Variants in ACTN4 observed in about 807,000 individuals in gnomAD.
ACTN4 encodes the protein actinin alpha 4, also known as alpha-actinin-4.
A neutral mutation model predicts 114.2 loss-of-function variants in ACTN4; 18 were observed. That is an observed-to-expected ratio of 0.16 (90% CI 0.11 to 0.23). The LOEUF is 0.23. ACTN4 is among the 10% of genes least tolerant of loss of function. ACTN4 has a pLI of 1.00. For missense variants in ACTN4, 722 were observed against 1,262.9 expected (o/e 0.57, Z 6.49); for synonymous variants, 515 against 506.3 (o/e 1.02, Z -0.23).
In ACTN4 at chr19:38,725,796, C is replaced by T. The variant is rs769829818; in HGVS notation, c.2083C>T (p.Arg695Cys). The T allele has an allele frequency of 1.2e-5, 19 of 1,614,044 alleles. No individual in the cohort carries two copies. Among genetic ancestry groups the T allele is most frequent in the African/African-American group, 9.3e-5 (7 of 74,930 alleles). The change falls in exon 17 of 21, where the codon CGC becomes TGC. Residue 695 changes from arginine to cysteine, a missense_variant. Arg to Cys is a radical substitution (Grantham distance 180, BLOSUM62 -3). Transcript: ENST00000252699. Reference sequence around the variant, plus strand: ...GCTGAGCCACCTGAAGCAGTATGAACGCAGCATCGTGGACTACAAGCCCAA... The same window carrying T: ...GCTGAGCCACCTGAAGCAGTATGAATGCAGCATCGTGGACTACAAGCCCAA... ...DQLSHLKQYE[R>C]SIVDYKPNLD... is the part of the protein sequence containing the mutation.
At position 38,729,229 on chromosome 19, in the gene ACTN4, G is replaced by T. The variant is rs747981646; in HGVS notation, c.2578-45G>T. 16 of 1,612,420 alleles carry T rather than the reference G, an allele frequency of 9.9e-6. No homozygotes were observed. The East Asian group carries it at 3.3e-4, about 34-fold the overall frequency. On this transcript the variant is annotated intron_variant, in intron 20 of 20. Transcript: ENST00000252699. ...GCAGTGGGAGGGGCTGAGGGGGCCAGTGTGTGGGTGGGGATGGCTCAGAGT... is the reference window on the plus strand; with the variant it reads ...GCAGTGGGAGGGGCTGAGGGGGCCATTGTGTGGGTGGGGATGGCTCAGAGT...
chr19:38,729,179 A>G, intron 20 of ACTN4, 25 bp downstream of exon 20: 1 of 1,612,632 alleles, frequency 6.2e-7, no homozygotes, highest in Non-Finnish European at 8.5e-7. Flanking sequence ...TACGAGGTGC[A>G]TGGGGGCTGG....
At position 38,647,817 on chromosome 19, in the gene ACTN4, C is replaced by CG; in HGVS notation, c.77dup (p.Ser27GlnfsTer49). The CG allele has an allele frequency of 6.4e-7, 1 of 1,550,970 alleles. No homozygotes were observed. The highest frequency in any genetic ancestry group is 8.7e-7 in the Non-Finnish European group (1 of 1,149,782). Reference sequence around the variant, plus strand: ...GCAGCGCGGGCAATGGCGCTGGCGGCGGGGGCAGCATGGGCGACTACATGG... The same window carrying CG: ...GCAGCGCGGGCAATGGCGCTGGCGGCGGGGGGCAGCATGGGCGACTACATGG... On this transcript the variant is annotated frameshift_variant, in exon 1 of 21. Transcript: ENST00000252699. LOFTEE classifies it high-confidence loss of function.
chr19:38,676,741 A>G (rs1967388698), intron 1 of ACTN4, among the ~76,000 whole-genome samples: 1 of 152,114 alleles, frequency 6.6e-6, no homozygotes, highest in African/African-American at 2.4e-5. Context: ...AAGCAGCCTC[A>G]TTGTCCCTTT....
chr19:38,713,393 G>T (rs1352771087), intron 8 of ACTN4, among the ~76,000 whole-genome samples: 2 of 152,150 alleles, frequency 1.3e-5, no homozygotes, highest in African/African-American at 4.8e-5. Flanking sequence ...TAGGAGTCAG[G>T]GACTGACCTC....
At chr19:38,648,063 GGAGGAATCGCC>G in intron 1 of ACTN4, 156 bp downstream of exon 1, 1 of 884,452 alleles carries the variant, frequency 1.1e-6, no homozygotes, top group Admixed American at 4.0e-5. Context: ...GGAGTCCTGA[GGAGGAATCGCC>G]GAGCTAGAGG....
rs191143349 is a variant in ACTN4, at chr19:38,675,110, A to G, written c.163-25490A>G. On this transcript the variant is annotated intron_variant, in intron 1 of 20. Coordinates refer to ENST00000252699, the MANE Select transcript of ACTN4 (RefSeq NM_004924.6). ...TTGATCTCAAAGAACAGGTGATAGC[A>G]GTAGGAGTTGTTTTCTGTGTTGCTG... 1.4e-4 allele frequency among the ~76,000 whole-genome samples: 21 copies of G among 152,354 alleles called. No homozygotes were observed. In the East Asian group the frequency reaches 2.9e-3, roughly 21 times the overall value.
At position 38,728,797 on chromosome 19, in the gene ACTN4, T is replaced by TG. The variant is rs1969360137; in HGVS notation, c.2419-197dup. On this transcript the variant is annotated intron_variant, in intron 19 of 20. Coordinates refer to ENST00000252699, the MANE Select transcript of ACTN4 (RefSeq NM_004924.6). ...TTCCCGGCCTGGGGCACTGGGGGCT[T>TG]GGAGGCCTGGGTCAGCTGGAGCAGT... Among the ~76,000 whole-genome samples the TG allele has an allele frequency of 2.0e-5, 3 of 152,036 alleles. No individual in the cohort carries two copies. The South Asian group carries it at 6.2e-4, about 32-fold the overall frequency.
intron 1 of ACTN4, among the ~76,000 whole-genome samples, chr19:38,700,357 C>T (rs573150649): frequency 4.6e-5 from 7 of 152,264 alleles, no homozygotes; most frequent in South Asian, 2.1e-4. Context: ...TGCCACTTAC[C>T]GCCTGGATGG....
intron 8 of ACTN4, among the ~76,000 whole-genome samples, chr19:38,711,974 C>T (rs1169248694): frequency 1.3e-5 from 2 of 152,180 alleles, no homozygotes; most frequent in African/African-American, 4.8e-5. Flanking sequence ...AAGCACTGCT[C>T]CCCCCGCTTG....
intron 1 of ACTN4, among the ~76,000 whole-genome samples, chr19:38,654,467 C>G (rs1976654918): frequency 6.7e-6 from 1 of 149,840 alleles, no homozygotes; most frequent in Admixed American, 6.8e-5. Flanking sequence ...GAGGCTGAGG[C>G]AGGATAATCA....
At chr19:38,683,402 GC>G (rs1967639905) in intron 1 of ACTN4, among the ~76,000 whole-genome samples, 1 of 152,174 alleles carries the variant, frequency 6.6e-6, no homozygotes, top group Admixed American at 6.5e-5. Flanking sequence ...GACAGGACTT[GC>G]TGTTCAGCCC....
At chr19:38,710,536 C>A (rs148173279) in intron 8 of ACTN4, among the ~76,000 whole-genome samples, 194 bp downstream of exon 8, 110 of 152,352 alleles carry the variant, frequency 7.2e-4, no homozygotes, top group African/African-American at 2.5e-3. Context: ...TCATCTGTGC[C>A]AGGCTTTTCC....
chr19:38,682,314 A>T (rs1967602213), intron 1 of ACTN4, among the ~76,000 whole-genome samples: 1 of 152,070 alleles, frequency 6.6e-6, no homozygotes, highest in Non-Finnish European at 1.5e-5. Context: ...TGCTGGGATT[A>T]CGGGTGTGAG....
chr19:38,725,592 C>T (rs1326308173), intron 16 of ACTN4, 132 bp from the exon 17 acceptor site: 3 of 946,432 alleles, frequency 3.2e-6, no homozygotes, highest in African/African-American at 3.3e-5. Context: ...CTCCCAGGGA[C>T]CCATGGGCCA....
chr19:38,694,999 C>G (rs924090827), intron 1 of ACTN4, among the ~76,000 whole-genome samples: 1 of 152,256 alleles, frequency 6.6e-6, no homozygotes, highest in Middle Eastern at 3.4e-3. Flanking sequence ...CTCAGCCTCT[C>G]GAGTAGCTGG....
rs144506409 is a variant in ACTN4, at chr19:38,712,622, G to T, written c.820-1847G>T. Among the ~76,000 whole-genome samples, 513 of 152,118 alleles carry T rather than the reference G, an allele frequency of 3.4e-3. 2 individuals are homozygous for T. Among genetic ancestry groups the T allele is most frequent in the African/African-American group, 0.012 (498 of 41,498 alleles). On this transcript the variant is annotated intron_variant, in intron 8 of 20. Transcript: ENST00000252699. ...TGTGTTTGGAGTGTTCTGCTAGAGG[G>T]CACGGGCCAGGAGGGTGGAGGGAGG...
chr19:38,715,513 A>G (rs1968809973), intron 9 of ACTN4, among the ~76,000 whole-genome samples: 1 of 152,208 alleles, frequency 6.6e-6, no homozygotes, highest in Non-Finnish European at 1.5e-5. Flanking sequence ...ATAAAATAAA[A>G]TAAAATTTCC....
At chr19:38,667,673 G>A (rs931375251) in intron 1 of ACTN4, among the ~76,000 whole-genome samples, 6 of 150,100 alleles carry the variant, frequency 4.0e-5, no homozygotes, top group African/African-American at 9.8e-5. Flanking sequence ...AAACTGAGAC[G>A]CTGGACTAGT....
Sources: gnomAD v4.1 joint callset for allele counts (sites outside exome capture counted in the v4.1 genomes callset) on GRCh38, gnomAD v4.1.1 for gene constraint, MANE v1.5 for transcripts, NCBI Gene and HGNC (gene_info 2026-07-23, HGNC 2026-07-21) for gene names.